ASIC2: variants seen among roughly 807,000 people sequenced by gnomAD.
ASIC2 encodes the protein acid-sensing ion channel 2.
Under a neutral mutation model 57.3 loss-of-function variants are expected in ASIC2, and 25 were observed. The ratio of observed to expected loss-of-function variants is 0.44; its 90% CI spans 0.32 to 0.61. ASIC2 has a LOEUF of 0.61. ASIC2 is among the 20% of genes least tolerant of loss of function. ASIC2 has a pLI of 0.06. For missense variants in ASIC2, 641 were observed against 738.1 expected (o/e 0.87, Z 1.52); for synonymous variants, 319 against 307.5 (o/e 1.04, Z -0.39).
chr17:34,034,632 T>C lies in ASIC2; in HGVS notation c.555+121346A>G, dbSNP rs543466684. Among the ~76,000 whole-genome samples the C allele has an allele frequency of 2.0e-5, 3 of 152,226 alleles. No individual in the cohort carries two copies. The South Asian group carries it at 6.2e-4, about 32-fold the overall frequency. On this transcript the variant is annotated intron_variant, in intron 1 of 9. Transcript: ENST00000359872. Reference sequence around the variant, plus strand: ...AAAACCCCATCGTCTCAGCCCAAAATCTCCTCAGGCTGATAAGCAACTTCA... The same window carrying C: ...AAAACCCCATCGTCTCAGCCCAAAACCTCCTCAGGCTGATAAGCAACTTCA...
At chr17:33,476,987 A>G (rs1052271372) in intron 1 of ASIC2, among the ~76,000 whole-genome samples, 64 of 152,204 alleles carry the variant, frequency 4.2e-4, no homozygotes, top group African/African-American at 1.5e-3. Flanking sequence ...ATACTACTAT[A>G]TAATCTCAGT....
chr17:33,618,904 T>C (rs910889751), intron 1 of ASIC2, among the ~76,000 whole-genome samples: 5 of 152,188 alleles, frequency 3.3e-5, no homozygotes, highest in African/African-American at 4.8e-5. Flanking sequence ...ATGGCACAAA[T>C]ATTCTCCTTT....
At chr17:33,125,556 C>T (rs143359115) in intron 1 of ASIC2, among the ~76,000 whole-genome samples, 245 of 152,254 alleles carry the variant, frequency 1.6e-3, no homozygotes, top group East Asian at 0.011. Flanking sequence ...TGTCAAACAC[C>T]GTGCTAGGTC....
chr17:33,390,299 C>T (rs912230077), intron 1 of ASIC2, among the ~76,000 whole-genome samples: 2 of 151,890 alleles, frequency 1.3e-5, no homozygotes, highest in African/African-American at 4.8e-5. Flanking sequence ...GGCCACAGAG[C>T]GAGATTCGGT....
intron 1 of ASIC2, among the ~76,000 whole-genome samples, chr17:33,748,588 A>G (rs1271608414): frequency 6.6e-6 from 1 of 152,174 alleles, no homozygotes; most frequent in Non-Finnish European, 1.5e-5. Flanking sequence ...GTGGCAGGAT[A>G]CTGCCCCTCC....
intron 1 of ASIC2, among the ~76,000 whole-genome samples, chr17:33,872,262 C>A (rs752135826): frequency 2.0e-5 from 3 of 152,154 alleles, no homozygotes; most frequent in Non-Finnish European, 4.4e-5. Flanking sequence ...CGCCACAGAA[C>A]ATCGGGCCAC....
At chr17:33,338,181 G>A (rs1020648987) in intron 1 of ASIC2, among the ~76,000 whole-genome samples, 1 of 151,632 alleles carries the variant, frequency 6.6e-6, no homozygotes, top group Non-Finnish European at 1.5e-5. Flanking sequence ...AGATGGAAAT[G>A]TTCCTTCTGA....
Position 33,621,757 on chromosome 17 carries a change from G to A in ASIC2, c.556-509690C>T, listed in dbSNP as rs184108995. On this transcript the variant is annotated intron_variant, in intron 1 of 9. Coordinates refer to the ASIC2 transcript ENST00000359872. ...GTCACCAAAATGCTAGGGTTCAAACGTCTTCTAATTATCCTCCACTGATCT... is the reference window on the plus strand; with the variant it reads ...GTCACCAAAATGCTAGGGTTCAAACATCTTCTAATTATCCTCCACTGATCT... 2.0e-3 allele frequency among the ~76,000 whole-genome samples: 297 copies of A among 152,184 alleles called. 2 individuals carry two copies. Among genetic ancestry groups the A allele is most frequent in the African/African-American group, 6.4e-3 (265 of 41,532 alleles).
At chr17:33,911,619 AC>A (rs1300308199) in intron 1 of ASIC2, among the ~76,000 whole-genome samples, 1 of 152,188 alleles carries the variant, frequency 6.6e-6, no homozygotes, top group Non-Finnish European at 1.5e-5. Context: ...GAGACTGTGT[AC>A]CCAGCTAACA....
intron 1 of ASIC2, among the ~76,000 whole-genome samples, chr17:33,209,223 G>A (rs1033479351): frequency 6.6e-6 from 1 of 152,162 alleles, no homozygotes; most frequent in South Asian, 2.1e-4. Context: ...CCAGTCTTCT[G>A]CCATGTCACA....
At chr17:33,936,668 C>T (rs1163190956) in intron 1 of ASIC2, 1 of 152,206 alleles carries the variant, frequency 6.6e-6, no homozygotes, top group Non-Finnish European at 1.5e-5. Flanking sequence ...GCAGAACCAC[C>T]TCAAGGCAAG....
chr17:33,013,822 A>G lies in ASIC2; in HGVS notation c.*143T>C. On this transcript the variant is annotated 3_prime_UTR_variant, in exon 10 of 10. Coordinates refer to ENST00000225823, the MANE Select transcript of ASIC2 (RefSeq NM_183377.2). ...GTTGGACGTGGCCGGAGCGAGGTCT[A>G]GGCAGCTAGTCTGCAATGTGTGCAT... 2.7e-6 allele frequency: 2 copies of G among 727,908 alleles called. No homozygotes were observed. Among genetic ancestry groups the G allele is most frequent in the East Asian group, 2.7e-5 (1 of 37,080 alleles). The allele number at this position is 727,908 out of a possible 1,614,324, so 45.1% of individuals were successfully genotyped here. A position where few individuals can be genotyped will look rare whatever the true frequency, so the allele number is the denominator to read the frequency against.
rs528316693 is a variant in ASIC2 at position 33,262,466 on chromosome 17, T to G, written c.708+28942A>C. Among the ~76,000 whole-genome samples the G allele has an allele frequency of 7.3e-5, 11 of 151,068 alleles. No individual in the cohort carries two copies. The South Asian group carries it at 2.1e-3, about 29-fold the overall frequency. On this transcript the variant is annotated intron_variant, in intron 1 of 9. Transcript: ENST00000225823. ...GGAAGGGAAGGAGGGAGGCAAGGTA[T>G]GGAAGGGAGGGAAAAGGAAGGGAAG...
At chr17:33,883,239 TATAATA>T (rs1040069034) in intron 1 of ASIC2, among the ~76,000 whole-genome samples, 1 of 152,064 alleles carries the variant, frequency 6.6e-6, no homozygotes, top group African/African-American at 2.4e-5. Flanking sequence ...AAACTTAAAG[TATAATA>T]ATAATATTAA....
intron 1 of ASIC2, chr17:34,155,716 G>A: frequency 2.1e-6 from 1 of 466,754 alleles, no homozygotes; most frequent in South Asian, 2.8e-5. Context: ...AGCCAACTGA[G>A]CACGTCTGGG....
chr17:33,827,788 A>G (rs1912981455), intron 1 of ASIC2: 1 of 152,156 alleles, frequency 6.6e-6, no homozygotes, highest in Admixed American at 6.5e-5. Flanking sequence ...TACATGTACC[A>G]TGATGGTTTG....
intron 1 of ASIC2, among the ~76,000 whole-genome samples, chr17:33,429,869 G>GC (rs1911347659): frequency 6.6e-6 from 1 of 152,152 alleles, no homozygotes; most frequent in African/African-American, 2.4e-5. Context: ...CCATGGCTAA[G>GC]GGGGGTGGCC....
At chr17:33,754,869 A>T (rs991700402) in intron 1 of ASIC2, among the ~76,000 whole-genome samples, 2 of 146,894 alleles carry the variant, frequency 1.4e-5, no homozygotes, top group Non-Finnish European at 3.0e-5. Context: ...GAGGCAGGAG[A>T]ATGGTGTGAA....
intron 1 of ASIC2, chr17:34,003,521 C>T (rs1272014663): frequency 1.3e-5 from 2 of 152,140 alleles, no homozygotes; most frequent in Non-Finnish European, 2.9e-5. Flanking sequence ...GATCAGTCTT[C>T]ATCACCATCA....
Sources: gnomAD v4.1 joint callset for allele counts (sites outside exome capture counted in the v4.1 genomes callset) on GRCh38, gnomAD v4.1.1 for gene constraint, MANE v1.5 for transcripts, NCBI Gene and HGNC (gene_info 2026-07-23, HGNC 2026-07-21) for gene names.